The following AP3S2 variants were observed in gnomAD, a reference collection of about 807,000 sequenced individuals.
AP3S2 encodes the protein AP-3 complex subunit sigma-2.
A neutral mutation model predicts 23.4 loss-of-function variants in AP3S2; 22 were observed. The ratio of observed to expected loss-of-function variants is 0.94; its 90% CI spans 0.67 to 1.34. The LOEUF is 1.34. Ranked by LOEUF, AP3S2 falls within the 40% of genes most tolerant of loss-of-function variation. The pLI is 0.00. For synonymous variants in AP3S2, 86 were observed against 87.1 expected (o/e 0.99, Z 0.07); for missense variants, 241 against 236.9 (o/e 1.02, Z -0.11).
intron 4 of AP3S2, among the ~76,000 whole-genome samples, chr15:89,845,030 T>G (rs1895452189): frequency 6.6e-6 from 1 of 151,998 alleles, no homozygotes; most frequent in Admixed American, 6.6e-5. Flanking sequence ...CTCAGCCTCC[T>G]GAGTAGCTGG....
chr15:89,834,766 G>C lies in AP3S2; in HGVS notation c.*749C>G, dbSNP rs1053337766. ...CATACAACAATTAGCTGGGCATGGT[G>C]GTGGGTGCCTGTAATCCCAGCTACT... On this transcript the variant is annotated 3_prime_UTR_variant, in exon 6 of 6. Coordinates refer to ENST00000336418, the MANE Select transcript of AP3S2 (RefSeq NM_005829.5). The C allele has an allele frequency of 6.6e-6, 1 of 152,200 alleles. No homozygotes were observed. The highest frequency in any genetic ancestry group is 2.1e-4 in the South Asian group (1 of 4,830). The allele number at this position is 152,200 out of a possible 1,614,324, so 9.4% of individuals were successfully genotyped here. A position where few individuals can be genotyped will look rare whatever the true frequency, so the allele number is the denominator to read the frequency against.
At chr15:89,840,087 G>A (rs770033470) in intron 4 of AP3S2, among the ~76,000 whole-genome samples, 16 of 152,168 alleles carry the variant, frequency 1.1e-4, no homozygotes, top group Non-Finnish European at 1.9e-4. Flanking sequence ...TGTTTAATGT[G>A]TACAGAGGTG....
chr15:89,859,711 T>C (rs76857419), intron 4 of AP3S2, among the ~76,000 whole-genome samples: 10 of 151,138 alleles, frequency 6.6e-5, no homozygotes, highest in Middle Eastern at 3.2e-3. Flanking sequence ...TCTTTTTTTT[T>C]CTAAACAAAT....
chr15:89,844,320 TTTCC>T (rs893521555), intron 4 of AP3S2, among the ~76,000 whole-genome samples: 3 of 149,552 alleles, frequency 2.0e-5, no homozygotes, highest in African/African-American at 7.4e-5. Flanking sequence ...TCCTTCCTTC[TTTCC>T]TTCCTTCCTT....
chr15:89,856,438 C>G (rs182338790), intron 4 of AP3S2, among the ~76,000 whole-genome samples: 1 of 151,962 alleles, frequency 6.6e-6, no homozygotes, highest in African/African-American at 2.4e-5. Context: ...TGGTGGCTCA[C>G]GCCTGTAATC....
intron 3 of AP3S2, chr15:89,884,015 C>T (rs1896635123): frequency 6.5e-6 from 1 of 153,658 alleles, no homozygotes; most frequent in Non-Finnish European, 1.5e-5. Flanking sequence ...GTCCAAAATC[C>T]AAAACACTTC....
chr15:89,871,664 T>C, intron 3 of AP3S2, 118 bp from the exon 4 acceptor site: 1 of 1,071,358 alleles, frequency 9.3e-7, no homozygotes. Context: ...ATGATAAATC[T>C]CAAAAATTAA....
intron 3 of AP3S2, chr15:89,877,101 T>G: frequency 3.5e-6 from 1 of 285,272 alleles, no homozygotes; most frequent in South Asian, 3.3e-5. Context: ...TGGAAATTAG[T>G]GGGTATTAAG....
At chr15:89,891,851 A>C (rs1156513393) in intron 1 of AP3S2, among the ~76,000 whole-genome samples, 1 of 152,230 alleles carries the variant, frequency 6.6e-6, no homozygotes, top group Non-Finnish European at 1.5e-5. Context: ...AATGTTCACC[A>C]CAGTTACCAT....
At chr15:89,872,893 A>G (rs1427816482) in intron 3 of AP3S2, among the ~76,000 whole-genome samples, 1 of 152,212 alleles carries the variant, frequency 6.6e-6, no homozygotes, top group Admixed American at 6.6e-5. Flanking sequence ...TAACCAGTGC[A>G]CTGTATTTTG....
At chr15:89,861,985 G>A (rs530068000) in intron 4 of AP3S2, among the ~76,000 whole-genome samples, 22 of 152,284 alleles carry the variant, frequency 1.4e-4, no homozygotes, top group South Asian at 1.2e-3. Context: ...TACAAAATAA[G>A]TAGGAGTGGT....
chr15:89,850,653 G>A (rs1895626408), intron 4 of AP3S2: 3 of 153,536 alleles, frequency 2.0e-5, no homozygotes, highest in Admixed American at 6.6e-5. Context: ...ATGTTTCAGT[G>A]AGCCCACTGT....
chr15:89,870,734 C>T (rs928509048), intron 4 of AP3S2, among the ~76,000 whole-genome samples: 8 of 152,124 alleles, frequency 5.3e-5, no homozygotes, highest in Non-Finnish European at 1.2e-4. Context: ...TCTCCAAGGG[C>T]CAGGGATCAT....
At chr15:89,844,750 A>C (rs952737613) in intron 4 of AP3S2, among the ~76,000 whole-genome samples, 11 of 152,154 alleles carry the variant, frequency 7.2e-5, no homozygotes, top group African/African-American at 2.2e-4. Flanking sequence ...GTTAGAACTC[A>C]AACTGCTGTG....
intron 3 of AP3S2, among the ~76,000 whole-genome samples, chr15:89,875,411 G>T (rs1002005300): frequency 1.2e-4 from 18 of 152,168 alleles, no homozygotes; most frequent in African/African-American, 4.3e-4. Flanking sequence ...TATTATTCAA[G>T]ATCACAATCA....
intron 4 of AP3S2, among the ~76,000 whole-genome samples, chr15:89,838,872 A>G (rs1895258805): frequency 6.6e-6 from 1 of 152,060 alleles, no homozygotes; most frequent in Non-Finnish European, 1.5e-5. Context: ...AGGTATGGGG[A>G]GCTCCTGGGT....
chr15:89,834,614 G>A lies in AP3S2; in HGVS notation c.*901C>T, dbSNP rs1051734588. On this transcript the variant is annotated 3_prime_UTR_variant, in exon 6 of 6. Transcript: ENST00000336418. ...AGGCTTGGCTATACCAAAGGATTCT[G>A]GTGGCCGGGCACGGTGGCTCACACC... 6.6e-6 allele frequency: 1 copy of A among 152,262 alleles called. No homozygotes were observed. Among genetic ancestry groups the A allele is most frequent in the African/African-American group, 2.4e-5 (1 of 41,448 alleles). 9.4% of individuals were successfully genotyped at this position (152,262 alleles called of 1,614,324 possible).
At chr15:89,859,238 TTTC>T (rs1389402737) in intron 4 of AP3S2, among the ~76,000 whole-genome samples, 1 of 151,394 alleles carries the variant, frequency 6.6e-6, no homozygotes, top group Admixed American at 6.6e-5. Flanking sequence ...TCCTTCTTTC[TTTC>T]TTTTTCCCTC....
intron 3 of AP3S2, among the ~76,000 whole-genome samples, chr15:89,884,339 A>G (rs1307373119): frequency 6.6e-6 from 1 of 152,086 alleles, no homozygotes; most frequent in East Asian, 1.9e-4. Context: ...TAATTCTTCT[A>G]TTTAATAGTA....
Sources: allele counts gnomAD v4.1 joint callset (sites outside exome capture counted in the v4.1 genomes callset), GRCh38; gene constraint gnomAD v4.1.1; transcripts MANE v1.5; gene names NCBI Gene and HGNC (gene_info 2026-07-23, HGNC 2026-07-21).